The following LRRC38 variants were observed in gnomAD, a reference collection of about 807,000 sequenced individuals.
The protein encoded by LRRC38 is leucine-rich repeat-containing protein 38.
A neutral mutation model predicts 16.4 loss-of-function variants in LRRC38; 5 were observed. The ratio of observed to expected loss-of-function variants is 0.31; its 90% CI spans 0.16 to 0.64. The LOEUF (loss-of-function observed/expected upper bound fraction) is 0.64, where lower values mean the gene tolerates loss of function less well. LRRC38 is among the 30% of genes least tolerant of loss of function. LRRC38 has a pLI of 0.80. For missense variants in LRRC38, 341 were observed against 401.8 expected (o/e 0.85, Z 1.29); for synonymous variants, 191 against 190.2 (o/e 1.00, Z -0.04).
intron 1 of LRRC38, among the ~76,000 whole-genome samples, chr1:13,483,400 C>T (rs1174348792): frequency 6.6e-6 from 1 of 152,178 alleles, no homozygotes; most frequent in African/African-American, 2.4e-5. Flanking sequence ...CCACCTGCCT[C>T]GGCCTCCCGA....
In LRRC38 at chr1:13,492,384, T is replaced by C. The variant is rs1252521627; in HGVS notation, c.632-16285A>G. ...TGGAGGAAAAATATAATGCAAAAAATAGAGAAAATTTTCATTCTTAAAAAA... is the reference window on the plus strand; with the variant it reads ...TGGAGGAAAAATATAATGCAAAAAACAGAGAAAATTTTCATTCTTAAAAAA... On this transcript the variant is annotated intron_variant, in intron 1 of 1. Transcript: ENST00000376085. Among the ~76,000 whole-genome samples, 5 of 152,120 alleles carry C rather than the reference T, an allele frequency of 3.3e-5. No homozygotes were observed. In the South Asian group the frequency reaches 1.0e-3, roughly 32 times the overall value.
rs576011531 is a variant in LRRC38, at chr1:13,508,360, TAAAAG to T, written c.631+4598_631+4602del. 2.7e-4 allele frequency among the ~76,000 whole-genome samples: 41 copies of T among 152,182 alleles called. 1 individual carries two copies. In the South Asian group the frequency reaches 8.1e-3, roughly 30 times the overall value. ...CTCAGCACTGCCTACATACAAAAAA[TAAAAG>T]GAAACAACCCACACTTCTAACAACA... On this transcript the variant is annotated intron_variant, in intron 1 of 1. Transcript: ENST00000376085.
rs1557492736 is a variant in LRRC38 at position 13,475,608 on chromosome 1, G to A, written c.*238C>T. On this transcript the variant is annotated 3_prime_UTR_variant, in exon 2 of 2. Coordinates refer to ENST00000376085, the MANE Select transcript of LRRC38 (RefSeq NM_001010847.2). The surrounding 1 kb of genome is among the most constrained non-coding windows in gnomAD (Gnocchi z 4.3). ...CCCCAACACACACCTCGATCTGAGA[G>A]GCAGGTTATGCTCCAGGAATAATTC... 5.7e-6 allele frequency: 3 copies of A among 523,048 alleles called. No individual in the cohort carries two copies. In the East Asian group the frequency reaches 9.4e-5, roughly 16 times the overall value. The allele number at this position is 523,048 out of a possible 1,614,324, so 32.4% of individuals were successfully genotyped here.
chr1:13,510,376 CA>C (rs1457876418), intron 1 of LRRC38, among the ~76,000 whole-genome samples: 1 of 152,116 alleles, frequency 6.6e-6, no homozygotes, highest in Non-Finnish European at 1.5e-5. Flanking sequence ...CTTCTCTAGT[CA>C]AAACAGGATA....
Position 13,513,735 on chromosome 1 carries a change from G to T in LRRC38, c.-142C>A. ...GGGCGGGGAGGGCGTGCGCCCGGGC[G>T]TGCGGGGGCGATGGAGCGCGGCGCG... is the stretch of plus-strand genomic sequence containing the variant. On this transcript the variant is annotated 5_prime_UTR_variant, in exon 1 of 2. Transcript: ENST00000376085. The T allele has an allele frequency of 3.7e-6, 1 of 269,418 alleles. No homozygotes were observed. The highest frequency in any genetic ancestry group is 5.7e-6 in the Non-Finnish European group (1 of 175,376). 16.7% of individuals were successfully genotyped at this position (269,418 alleles called of 1,614,324 possible).
At chr1:13,481,670 C>T (rs1166238444) in intron 1 of LRRC38, among the ~76,000 whole-genome samples, 1 of 152,152 alleles carries the variant, frequency 6.6e-6, no homozygotes, top group South Asian at 2.1e-4. Context: ...ACTGGGATTA[C>T]AGGCATGAGT....
chr1:13,479,615 G>A (rs571164414), intron 1 of LRRC38, among the ~76,000 whole-genome samples: 9 of 152,294 alleles, frequency 5.9e-5, no homozygotes, highest in African/African-American at 2.2e-4. Flanking sequence ...TTTGAAAAAC[G>A]GTGCACACAA....
intron 1 of LRRC38, among the ~76,000 whole-genome samples, chr1:13,484,767 T>C (rs1638910965): frequency 6.6e-6 from 1 of 152,234 alleles, no homozygotes; most frequent in African/African-American, 2.4e-5. Context: ...TGCCAGATAT[T>C]CTTCTAAGCA....
chr1:13,476,070 T>A lies in LRRC38; in HGVS notation c.661A>T (p.Met221Leu). The stretch of plus-strand genomic sequence containing the variant: ...CGCAGGGATATCCTCCTGCTCTCCA[T>A]GGGCAGGGAGCACTGGATTTCATCA... ...GLDEIQCSLP[M>L]ESRRISLREL... Residue 221 changes from methionine to leucine, a missense_variant, in exon 2 of 2, where the codon ATG becomes TTG. Physicochemically the swap from Met to Leu is conservative, Grantham distance 15. Transcript: ENST00000376085. 2.6e-6 allele frequency: 4 copies of A among 1,550,398 alleles called. No homozygotes were observed. The highest frequency in any genetic ancestry group is 3.5e-6 in the Non-Finnish European group (4 of 1,146,866).
intron 1 of LRRC38, among the ~76,000 whole-genome samples, chr1:13,486,485 A>G (rs1199585038): frequency 6.7e-6 from 1 of 150,134 alleles, no homozygotes; most frequent in African/African-American, 2.5e-5. Flanking sequence ...TTTCATACCC[A>G]CCTGTTGCCC....
At chr1:13,500,911 A>G (rs993173598) in intron 1 of LRRC38, among the ~76,000 whole-genome samples, 1 of 152,140 alleles carries the variant, frequency 6.6e-6, no homozygotes. Flanking sequence ...GGGGTTGAGG[A>G]GGGAGGGGAG....
intron 1 of LRRC38, 24 bp downstream of exon 1, chr1:13,512,939 C>CCCAGCCTAG: frequency 1.3e-6 from 2 of 1,524,980 alleles, no homozygotes; most frequent in South Asian, 1.2e-5. Flanking sequence ...CCCTCCCTCC[C>CCCAGCCTAG]CCAGCCTAGC....
At chr1:13,492,572 G>A (rs937802824) in intron 1 of LRRC38, among the ~76,000 whole-genome samples, 1 of 151,990 alleles carries the variant, frequency 6.6e-6, no homozygotes. Context: ...CCTGGTGGCG[G>A]GTGCCTGCAA....
intron 1 of LRRC38, among the ~76,000 whole-genome samples, chr1:13,485,579 A>G (rs1638922576): frequency 6.6e-6 from 1 of 151,418 alleles, no homozygotes; most frequent in Non-Finnish European, 1.5e-5. Flanking sequence ...AAAAAAAAAG[A>G]AGAAGAAGAA....
intron 1 of LRRC38, among the ~76,000 whole-genome samples, chr1:13,504,762 GGGAA>G (rs1639190579): frequency 1.1e-5 from 1 of 91,570 alleles, no homozygotes; most frequent in African/African-American, 4.8e-5. Context: ...GGGAGGGGAG[GGGAA>G]GGGAGGGAAG....
Position 13,513,268 on chromosome 1 carries a change from A to T in LRRC38, c.326T>A (p.Leu109His), listed in dbSNP as rs1302267502. 5.2e-6 allele frequency: 8 copies of T among 1,550,356 alleles called. No homozygotes were observed. The Admixed American group carries it at 5.9e-5, about 11-fold the overall frequency. The change falls in exon 1 of 2, where the codon CTC becomes CAC. Residue 109 changes from leucine to histidine, a missense_variant. Transcript: ENST00000376085. ...TFSGSAKLVF[L>H]DLSYNNLTQL... ...GGTCAAGTTGTTGTAGCTGAGGTCG[A>T]GGAACACGAGCTTGGCCGAGCCGCT...
chr1:13,480,772 T>C (rs1227257718), intron 1 of LRRC38, among the ~76,000 whole-genome samples: 1 of 152,190 alleles, frequency 6.6e-6, no homozygotes, highest in Non-Finnish European at 1.5e-5. Context: ...TCCCCAGCCA[T>C]GTGGAACTGT....
intron 1 of LRRC38, among the ~76,000 whole-genome samples, chr1:13,502,121 A>C (rs1182218922): frequency 9.4e-6 from 1 of 105,910 alleles, no homozygotes; most frequent in East Asian, 2.9e-4. Context: ...TTGTATTTTT[A>C]GTAGAGACGG....
chr1:13,479,397 G>A (rs1456662465), intron 1 of LRRC38, among the ~76,000 whole-genome samples: 1 of 152,160 alleles, frequency 6.6e-6, no homozygotes, highest in Non-Finnish European at 1.5e-5. Context: ...TCAGGAAGCG[G>A]TATCAACCGG....
Sources: allele counts gnomAD v4.1 joint callset (sites outside exome capture counted in the v4.1 genomes callset), GRCh38; gene constraint gnomAD v4.1.1; non-coding constraint Gnocchi (gnomAD v3.1); transcripts MANE v1.5; gene names NCBI Gene and HGNC (gene_info 2026-07-23, HGNC 2026-07-21).